Variants in SCAMP1 observed in about 807,000 individuals in gnomAD.
SCAMP1 encodes the protein secretory carrier membrane protein 1.
Under a neutral mutation model 41.8 loss-of-function variants are expected in SCAMP1, and 15 were observed. The ratio of observed to expected loss-of-function variants is 0.36; its 90% CI spans 0.24 to 0.55. The LOEUF is 0.55. SCAMP1 is among the 20% of genes least tolerant of loss of function. The pLI is 0.86. For missense variants in SCAMP1, 341 were observed against 412.6 expected (o/e 0.83, Z 1.50); for synonymous variants, 135 against 136.8 (o/e 0.99, Z 0.09).
chr5:78,380,591 AT>A (rs1487884049), intron 1 of SCAMP1, among the ~76,000 whole-genome samples: 1 of 151,774 alleles, frequency 6.6e-6, no homozygotes, highest in Non-Finnish European at 1.5e-5. Flanking sequence ...CTTTATGCTT[AT>A]TTTTTTTCAA....
chr5:78,463,528 G>A (rs912432224), intron 8 of SCAMP1, among the ~76,000 whole-genome samples: 1 of 152,166 alleles, frequency 6.6e-6, no homozygotes, highest in African/African-American at 2.4e-5. Flanking sequence ...GTTGATTGAT[G>A]TCATCTTCTC....
intron 1 of SCAMP1, among the ~76,000 whole-genome samples, chr5:78,372,151 CA>C (rs1561249869): frequency 6.6e-6 from 1 of 152,196 alleles, no homozygotes; most frequent in African/African-American, 2.4e-5. Context: ...GTGTTATATA[CA>C]TGCTAACGGC....
chr5:78,420,920 A>G (rs1425870752), intron 5 of SCAMP1, among the ~76,000 whole-genome samples: 1 of 152,204 alleles, frequency 6.6e-6, no homozygotes, highest in Non-Finnish European at 1.5e-5. Flanking sequence ...ATTTGTTGGC[A>G]TATTTTTATT....
intron 2 of SCAMP1, among the ~76,000 whole-genome samples, chr5:78,393,760 TAGAG>T (rs1005106642): frequency 1.3e-5 from 2 of 152,226 alleles, no homozygotes; most frequent in African/African-American, 4.8e-5. Flanking sequence ...AATGCATAAA[TAGAG>T]AAATTATCCT....
intron 8 of SCAMP1, among the ~76,000 whole-genome samples, chr5:78,460,791 TCCTTCCTTCCTTCCTCCCTTC>T (rs1753575420): frequency 2.1e-5 from 1 of 47,358 alleles, no homozygotes; most frequent in African/African-American, 1.2e-4. Context: ...CTTCCTTCCT[TCCTTCCTTCCTTCCTCCCTTC>T]CTTCCTTCCT....
At chr5:78,406,274 T>C (rs1379399133) in intron 2 of SCAMP1, among the ~76,000 whole-genome samples, 1 of 152,162 alleles carries the variant, frequency 6.6e-6, no homozygotes, top group Non-Finnish European at 1.5e-5. Context: ...GGCCCAGAGT[T>C]TGCATTTTCA....
At chr5:78,393,687 AT>A (rs1751574346) in intron 2 of SCAMP1, among the ~76,000 whole-genome samples, 1 of 152,116 alleles carries the variant, frequency 6.6e-6, no homozygotes, top group Non-Finnish European at 1.5e-5. Context: ...TTCAAAATGC[AT>A]TTTTCTACTG....
At chr5:78,474,060 T>TAA (rs113424312) in intron 8 of SCAMP1, among the ~76,000 whole-genome samples, 12 of 142,268 alleles carry the variant, frequency 8.4e-5, no homozygotes, top group African/African-American at 2.8e-4. Context: ...GGAGTCTCTT[T>TAA]AAAAAAAAAA....
chr5:78,367,174 C>T (rs1432620207), intron 1 of SCAMP1, among the ~76,000 whole-genome samples: 1 of 152,164 alleles, frequency 6.6e-6, no homozygotes, highest in African/African-American at 2.4e-5. Flanking sequence ...ACATATTGAG[C>T]TGCTGTTATA....
chr5:78,363,143 CAGTCTCCCAA>C (rs968209827), intron 1 of SCAMP1, among the ~76,000 whole-genome samples: 15 of 151,604 alleles, frequency 9.9e-5, no homozygotes, highest in African/African-American at 3.4e-4. Flanking sequence ...CCACCTGCCT[CAGTCTCCCAA>C]AGTGCTGGGA....
At chr5:78,392,675 T>C (rs1751550361) in intron 2 of SCAMP1, among the ~76,000 whole-genome samples, 1 of 152,254 alleles carries the variant, frequency 6.6e-6, no homozygotes, top group African/African-American at 2.4e-5. Flanking sequence ...AACAGTGATA[T>C]GGTGTCAGAA....
intron 1 of SCAMP1, among the ~76,000 whole-genome samples, chr5:78,386,253 G>A (rs369444591): frequency 6.6e-6 from 1 of 151,908 alleles, no homozygotes; most frequent in Non-Finnish European, 1.5e-5. Context: ...AGTTTGTTTT[G>A]TCTGATATAA....
intron 1 of SCAMP1, among the ~76,000 whole-genome samples, chr5:78,378,490 C>G (rs1167756088): frequency 6.6e-6 from 1 of 152,160 alleles, no homozygotes; most frequent in Non-Finnish European, 1.5e-5. Context: ...AAGGTTCATT[C>G]CTCTGGAGAA....
rs140124365 is a variant in SCAMP1 at position 78,389,884 on chromosome 5, A to G, written c.135+970A>G. Among the ~76,000 whole-genome samples the G allele has an allele frequency of 3.3e-3, 502 of 152,280 alleles. 2 individuals are homozygous for G. Among genetic ancestry groups the G allele is most frequent in the African/African-American group, 0.011 (471 of 41,560 alleles). ...TTACCTTGCCCTGTGCATCTCTTCT[A>G]TTTGGCTGTTCCTGAGTTGTGTCCT... is the stretch of plus-strand genomic sequence containing the variant. On this transcript the variant is annotated intron_variant, in intron 2 of 8. Coordinates refer to ENST00000621999, the MANE Select transcript of SCAMP1 (RefSeq NM_004866.6).
In SCAMP1 at chr5:78,360,621, C is replaced by A. The variant is rs939635865; in HGVS notation, c.-51C>A. On this transcript the variant is annotated 5_prime_UTR_variant, in exon 1 of 9. Coordinates refer to ENST00000621999, the MANE Select transcript of SCAMP1 (RefSeq NM_004866.6). ...GCGCAGGGGGGCGGCGGCCTCGCCT[C>A]GTCTCTCTCTCTGCGCCTGGGTCGG... is the stretch of plus-strand genomic sequence containing the variant. The A allele has an allele frequency of 3.1e-5, 48 of 1,557,068 alleles. No homozygotes were observed. Among genetic ancestry groups the A allele is most frequent in the Non-Finnish European group, 4.0e-5 (46 of 1,147,542 alleles).
At chr5:78,468,142 TC>T (rs1202880642) in intron 8 of SCAMP1, among the ~76,000 whole-genome samples, 1 of 152,164 alleles carries the variant, frequency 6.6e-6, no homozygotes, top group African/African-American at 2.4e-5. Context: ...AAGTGGGTCA[TC>T]ATTGGTGCTG....
At chr5:78,435,900 T>A (rs1489605173) in intron 6 of SCAMP1, among the ~76,000 whole-genome samples, 1 of 152,236 alleles carries the variant, frequency 6.6e-6, no homozygotes, top group Admixed American at 6.5e-5. Context: ...GTTTCCTGAC[T>A]TTTGAATGAT....
At chr5:78,430,244 T>C (rs1210569849) in intron 6 of SCAMP1, among the ~76,000 whole-genome samples, 1 of 140,442 alleles carries the variant, frequency 7.1e-6, no homozygotes, top group Admixed American at 7.4e-5. Flanking sequence ...ACAGTATTTA[T>C]TTATAAATAC....
At chr5:78,398,102 A>G (rs138703422) in intron 2 of SCAMP1, among the ~76,000 whole-genome samples, 3 of 152,370 alleles carry the variant, frequency 2.0e-5, no homozygotes, top group East Asian at 3.9e-4. Flanking sequence ...TCTTGGGTAC[A>G]TACCCAAAAG....
Sources: allele counts gnomAD v4.1 joint callset (sites outside exome capture counted in the v4.1 genomes callset), GRCh38; gene constraint gnomAD v4.1.1; transcripts MANE v1.5; gene names NCBI Gene and HGNC (gene_info 2026-07-23, HGNC 2026-07-21).